Variants in CEMIP observed in about 807,000 individuals in gnomAD.
CEMIP encodes the protein cell migration inducing hyaluronidase 1.
CEMIP carries 105 observed loss-of-function variants against 156.9 expected under a neutral mutation model. The observed-to-expected ratio is 0.67, with a 90% CI of 0.57 to 0.79. The LOEUF (loss-of-function observed/expected upper bound fraction) is 0.79. CEMIP is among the 30% of genes least tolerant of loss of function. The pLI is 0.00. For synonymous variants in CEMIP, 676 were observed against 668.4 expected, an observed-to-expected ratio of 1.01 and a Z score of -0.17; for missense variants, 1,457 against 1,769.4, an observed-to-expected ratio of 0.82 and a Z score of 3.17.
intron 3 of CEMIP, among the ~76,000 whole-genome samples, chr15:80,877,101 G>A (rs779654280): frequency 2.6e-5 from 4 of 152,236 alleles, no homozygotes; most frequent in South Asian, 2.1e-4. Context: ...TTCCTGAGAC[G>A]TATTCACCAC....
chr15:80,806,337 GA>G (rs5814037), intron 1 of CEMIP, among the ~76,000 whole-genome samples: 78,694 of 152,018 alleles, frequency 0.52, 21,727 homozygotes, highest in Non-Finnish European at 0.62. Flanking sequence ...AGTTGATCTA[GA>G]AGAAAGGCTT....
chr15:80,871,347 A>C (rs969545983), intron 1 of CEMIP, among the ~76,000 whole-genome samples: 1 of 152,182 alleles, frequency 6.6e-6, no homozygotes, highest in Non-Finnish European at 1.5e-5. Context: ...AAGGTCTCAC[A>C]AATGTTAGGA....
intron 10 of CEMIP, among the ~76,000 whole-genome samples, chr15:80,890,392 A>G (rs1284381110): frequency 6.6e-6 from 1 of 151,260 alleles, no homozygotes; most frequent in Non-Finnish European, 1.5e-5. Context: ...CAGCCTGGCC[A>G]GTATGGTGAA....
At chr15:80,819,973 G>T (rs1409815058) in intron 1 of CEMIP, among the ~76,000 whole-genome samples, 14 of 152,172 alleles carry the variant, frequency 9.2e-5, no homozygotes, top group Non-Finnish European at 1.9e-4. Flanking sequence ...CCAGAGAATT[G>T]AATTGTAGAC....
chr15:80,874,166 A>G (rs991758420), intron 3 of CEMIP, among the ~76,000 whole-genome samples, 193 bp downstream of exon 3: 11 of 152,344 alleles, frequency 7.2e-5, no homozygotes, highest in African/African-American at 1.9e-4. Flanking sequence ...TTCATCATCC[A>G]CAAAATGAAG....
Position 80,797,868 on chromosome 15 carries a change from A to G in CEMIP, c.-176+18254A>G, listed in dbSNP as rs1280887042. ...TAGGAAGCAATGCCAGGCCGCCTCC[A>G]CTGTGTTTTAGGCCACTGTGTAGAA... On this transcript the variant is annotated intron_variant, in intron 1 of 29. Transcript: ENST00000394685. 2.0e-5 allele frequency among the ~76,000 whole-genome samples: 3 copies of G among 152,214 alleles called. No homozygotes were observed. The East Asian group carries it at 5.8e-4, about 29-fold the overall frequency.
intron 14 of CEMIP, 28 bp from the exon 15 acceptor site, chr15:80,920,066 T>C (rs1395469670): frequency 1.2e-6 from 2 of 1,611,124 alleles, no homozygotes; most frequent in African/African-American, 2.7e-5. Context: ...GGATGCTTGG[T>C]GAAACACCCC....
intron 1 of CEMIP, among the ~76,000 whole-genome samples, chr15:80,790,900 A>G (rs576223620): frequency 1.3e-5 from 2 of 152,318 alleles, no homozygotes; most frequent in African/African-American, 4.8e-5. Flanking sequence ...CATACATTCA[A>G]CTACCTACAA....
At chr15:80,873,336 A>T (rs1898358776) in intron 1 of CEMIP, among the ~76,000 whole-genome samples, 4 of 152,206 alleles carry the variant, frequency 2.6e-5, no homozygotes, top group Admixed American at 2.6e-4. Flanking sequence ...CAATATTATT[A>T]TCCGGGACTG....
intron 6 of CEMIP, among the ~76,000 whole-genome samples, chr15:80,882,438 G>A (rs149740574): frequency 1.3e-5 from 2 of 152,272 alleles, no homozygotes; most frequent in African/African-American, 2.4e-5. Context: ...TCGCCTCCAC[G>A]GATAACGGCT....
intron 10 of CEMIP, among the ~76,000 whole-genome samples, chr15:80,893,224 AAAAT>A (rs1425476922): frequency 1.3e-5 from 2 of 152,162 alleles, no homozygotes; most frequent in East Asian, 1.9e-4. Context: ...GAAATAAAAT[AAAAT>A]AAATTTACTA....
chr15:80,832,790 A>T (rs763970202), intron 1 of CEMIP, among the ~76,000 whole-genome samples: 4 of 152,302 alleles, frequency 2.6e-5, no homozygotes, highest in Non-Finnish European at 4.4e-5. Flanking sequence ...GAACAGTGAC[A>T]TTTATCTGTT....
At chr15:80,867,000 C>G (rs1039227817) in intron 1 of CEMIP, among the ~76,000 whole-genome samples, 1 of 152,106 alleles carries the variant, frequency 6.6e-6, no homozygotes, top group African/African-American at 2.4e-5. Flanking sequence ...ATTCCCCTAT[C>G]AGATACTGGT....
At chr15:80,888,283 T>C (rs1377612174) in intron 8 of CEMIP, among the ~76,000 whole-genome samples, 1 of 151,748 alleles carries the variant, frequency 6.6e-6, no homozygotes, top group African/African-American at 2.4e-5. Context: ...ATTGCACCAC[T>C]GCACTCCAGC....
chr15:80,855,860 A>C (rs1897841542), intron 1 of CEMIP, among the ~76,000 whole-genome samples: 1 of 152,176 alleles, frequency 6.6e-6, no homozygotes, highest in African/African-American at 2.4e-5. Context: ...ATTTTATTGG[A>C]GTTCCCTGAA....
chr15:80,825,752 C>A (rs765096738), intron 1 of CEMIP, among the ~76,000 whole-genome samples: 3 of 152,234 alleles, frequency 2.0e-5, no homozygotes, highest in Non-Finnish European at 4.4e-5. Flanking sequence ...ATTCAGGGCA[C>A]AGAATGGGTG....
At chr15:80,874,017 GGCACGGCCC>G in intron 3 of CEMIP, 44 bp downstream of exon 3, 2 of 1,515,050 alleles carry the variant, frequency 1.3e-6, no homozygotes, top group Non-Finnish European at 1.8e-6. Context: ...CAGCATGGAA[GGCACGGCCC>G]CTCACTGGAG....
At chr15:80,933,644 C>G (rs1342375843) in intron 23 of CEMIP, among the ~76,000 whole-genome samples, 184 bp downstream of exon 23, 1 of 151,970 alleles carries the variant, frequency 6.6e-6, no homozygotes, top group Non-Finnish European at 1.5e-5. Context: ...AAGTTAAAGT[C>G]AAAACACTTG....
chr15:80,920,005 CAT>C (rs1209734372), intron 14 of CEMIP, 87 bp from the exon 15 acceptor site: 12 of 1,188,140 alleles, frequency 1.0e-5, no homozygotes, highest in Admixed American at 3.4e-5. Context: ...TGAATGAGCA[CAT>C]GAGACTATTT....
Sources: gnomAD v4.1 joint callset for allele counts (sites outside exome capture counted in the v4.1 genomes callset) on GRCh38, gnomAD v4.1.1 for gene constraint, MANE v1.5 for transcripts, NCBI Gene and HGNC (gene_info 2026-07-23, HGNC 2026-07-21) for gene names.